The following CFAP61 variants were observed in gnomAD, a reference collection of about 807,000 sequenced individuals.
CFAP61 encodes the protein cilia- and flagella-associated protein 61.
In CFAP61, 107 loss-of-function variants were observed where a neutral mutation model predicts 135.6. That is an observed-to-expected ratio of 0.79 (90% CI 0.67 to 0.93). The LOEUF is 0.93. CFAP61 is among the 40% of genes least tolerant of loss of function. The pLI, the probability that CFAP61 is intolerant of heterozygous loss-of-function variation, is 0.00. For missense variants in CFAP61, 1,507 were observed against 1,556.2 expected (o/e 0.97, Z 0.53); for synonymous variants, 575 against 578.5 (o/e 0.99, Z 0.09).
At chr20:20,159,618 T>G (rs2053232691) in intron 10 of CFAP61, among the ~76,000 whole-genome samples, 174 bp downstream of exon 10, 1 of 152,196 alleles carries the variant, frequency 6.6e-6, no homozygotes, top group South Asian at 2.1e-4. Flanking sequence ...TCCTTACCTC[T>G]TCCCCTGCTG....
intron 7 of CFAP61, chr20:20,095,505 T>C (rs1325837765): frequency 2.6e-5 from 4 of 152,322 alleles, no homozygotes; most frequent in Non-Finnish European, 5.9e-5. Context: ...ACAAGGACTT[T>C]CTTTGGCTTG....
chr20:20,357,922 G>A (rs1215592991), intron 26 of CFAP61, among the ~76,000 whole-genome samples: 124 of 123,504 alleles, frequency 1.0e-3, no homozygotes, highest in South Asian at 1.8e-3. Context: ...ACTGAGGGGA[G>A]GTGGTCACAC....
At chr20:20,273,031 G>T (rs887894420) in intron 21 of CFAP61, among the ~76,000 whole-genome samples, 1 of 149,848 alleles carries the variant, frequency 6.7e-6, no homozygotes, top group African/African-American at 2.5e-5. Flanking sequence ...AGAGGTGCGT[G>T]CCATGCTTAA....
intron 24 of CFAP61, among the ~76,000 whole-genome samples, chr20:20,297,305 A>G (rs1392721791): frequency 6.6e-6 from 1 of 152,228 alleles, no homozygotes; most frequent in Non-Finnish European, 1.5e-5. Context: ...TAAATGCCAC[A>G]TTCAAGCTCA....
At chr20:20,140,909 C>CT (rs1195846034) in intron 8 of CFAP61, among the ~76,000 whole-genome samples, 2 of 146,414 alleles carry the variant, frequency 1.4e-5, no homozygotes, top group African/African-American at 5.1e-5. Context: ...TTTATATGTT[C>CT]TTTTTTTTTC....
intron 13 of CFAP61, among the ~76,000 whole-genome samples, chr20:20,173,317 A>G (rs890405180): frequency 2.6e-5 from 4 of 152,250 alleles, no homozygotes; most frequent in African/African-American, 9.6e-5. Flanking sequence ...GCTGGATCCT[A>G]TGACCAGAAT....
rs145655851 is a variant in CFAP61 at position 20,192,932 on chromosome 20, A to G, written c.1590+1513A>G. 3.9e-5 allele frequency among the ~76,000 whole-genome samples: 6 copies of G among 152,208 alleles called. No individual in the cohort carries two copies. In the East Asian group the frequency reaches 1.2e-3, roughly 29 times the overall value. On this transcript the variant is annotated intron_variant, in intron 15 of 26. Coordinates refer to ENST00000245957, the MANE Select transcript of CFAP61 (RefSeq NM_015585.4). ...GCTGATTCTCTTTTCTGCCACAGCCATCACCTCCACCCTATTCTACTGGTC... is the reference window on the plus strand; with the variant it reads ...GCTGATTCTCTTTTCTGCCACAGCCGTCACCTCCACCCTATTCTACTGGTC...
chr20:20,283,878 G>T (rs2054377190), intron 22 of CFAP61, among the ~76,000 whole-genome samples: 1 of 152,128 alleles, frequency 6.6e-6, no homozygotes, highest in African/African-American at 2.4e-5. Context: ...TTCAGAAAAA[G>T]CCTGGTCCCT....
chr20:20,334,629 C>T (rs976834833), intron 25 of CFAP61, among the ~76,000 whole-genome samples: 2 of 152,200 alleles, frequency 1.3e-5, no homozygotes, highest in Non-Finnish European at 2.9e-5. Flanking sequence ...TGCATTGTGA[C>T]AATGAGACCA....
chr20:20,081,233 G>C (rs2046408027), intron 6 of CFAP61, among the ~76,000 whole-genome samples: 1 of 152,184 alleles, frequency 6.6e-6, no homozygotes, highest in Non-Finnish European at 1.5e-5. Context: ...GGATTGGGCA[G>C]GGGATAGATA....
intron 25 of CFAP61, among the ~76,000 whole-genome samples, chr20:20,313,701 C>T (rs1207730618): frequency 1.3e-5 from 2 of 152,294 alleles, no homozygotes; most frequent in Admixed American, 1.3e-4. Context: ...GTGTCTTAGT[C>T]TGTTTTGTGT....
intron 8 of CFAP61, among the ~76,000 whole-genome samples, chr20:20,123,404 G>A (rs1568953069): frequency 6.6e-6 from 1 of 151,588 alleles, no homozygotes; most frequent in African/African-American, 2.4e-5. Flanking sequence ...ATGGTTTCAG[G>A]TCTTAGATTT....
chr20:20,057,120 T>TAAAA (rs752860141), intron 2 of CFAP61, among the ~76,000 whole-genome samples: 17 of 102,088 alleles, frequency 1.7e-4, no homozygotes, highest in East Asian at 2.7e-4. Flanking sequence ...CTGTCTCAAT[T>TAAAA]AAAAAAAAAA....
At chr20:20,285,529 A>G (rs2054517433) in intron 22 of CFAP61, among the ~76,000 whole-genome samples, 1 of 151,862 alleles carries the variant, frequency 6.6e-6, no homozygotes, top group Admixed American at 6.6e-5. Flanking sequence ...GACAGTTTCT[A>G]TTCATATAAC....
At chr20:20,147,353 A>T (rs143627721) in intron 9 of CFAP61, among the ~76,000 whole-genome samples, 1 of 152,348 alleles carries the variant, frequency 6.6e-6, no homozygotes, top group East Asian at 1.9e-4. Flanking sequence ...ACTAATTTAC[A>T]TTCCCACTGG....
intron 25 of CFAP61, among the ~76,000 whole-genome samples, chr20:20,341,000 A>G (rs2058423906): frequency 6.6e-6 from 1 of 152,062 alleles, no homozygotes; most frequent in African/African-American, 2.4e-5. Flanking sequence ...ACGTCTTGGA[A>G]AACGGAAGGT....
intron 26 of CFAP61, among the ~76,000 whole-genome samples, chr20:20,356,346 CAT>C (rs2059162134): frequency 1.5e-5 from 2 of 136,678 alleles, no homozygotes; most frequent in South Asian, 2.3e-4. Flanking sequence ...GGGAGGTGGT[CAT>C]ACTGTGAGGG....
At position 20,359,047 on chromosome 20, in the gene CFAP61, T is replaced by C. The variant is rs922256986; in HGVS notation, c.3514-1163T>C. 6.6e-6 allele frequency among the ~76,000 whole-genome samples: 1 copy of C among 152,168 alleles called. No individual in the cohort carries two copies. The highest frequency in any genetic ancestry group is 1.5e-5 in the Non-Finnish European group (1 of 68,026). ...GTGGTGAAGCAAATATAGCAGATGT[T>C]AACTGTGGAGTCCAGGTGCAGGTGT... On this transcript the variant is annotated intron_variant, in intron 26 of 26. Transcript: ENST00000245957. This position sits in a 1 kb window ranked among gnomAD's most constrained non-coding sequence, Gnocchi z 4.0.
chr20:20,142,727 C>T (rs560367049), intron 8 of CFAP61, 130 bp from the exon 9 acceptor site: 357 of 637,130 alleles, frequency 5.6e-4, no homozygotes, highest in Admixed American at 1.6e-3. Context: ...CCTCAAGGTA[C>T]TGCTCTCTAG....
Sources: allele counts gnomAD v4.1 joint callset (sites outside exome capture counted in the v4.1 genomes callset), GRCh38; gene constraint gnomAD v4.1.1; non-coding constraint Gnocchi (gnomAD v3.1); transcripts MANE v1.5; gene names NCBI Gene and HGNC (gene_info 2026-07-23, HGNC 2026-07-21).